The following PIK3R3 variants were observed in gnomAD, a reference collection of about 807,000 sequenced individuals.
PIK3R3 encodes phosphoinositide-3-kinase regulatory subunit 3.
Under a neutral mutation model 62.9 loss-of-function variants are expected in PIK3R3, and 64 were observed. That is an observed-to-expected ratio of 1.02 (90% CI 0.83 to 1.25). PIK3R3 has a LOEUF of 1.25. PIK3R3 is among the 50% of genes most tolerant of loss of function. The probability of loss-of-function intolerance (pLI) is 0.00; values close to 1 mark genes in which losing one functional copy is unlikely to be tolerated. For missense variants in PIK3R3, 614 were observed against 561.6 expected (o/e 1.09, Z -0.94); for synonymous variants, 165 against 189.0 (o/e 0.87, Z 1.04).
chr1:46,113,434 C>T (rs1571533940), intron 1 of PIK3R3, among the ~76,000 whole-genome samples: 2 of 151,692 alleles, frequency 1.3e-5, no homozygotes, highest in African/African-American at 2.4e-5. Flanking sequence ...GCTGGGACTA[C>T]AGTCATGTGC....
In PIK3R3 at chr1:46,067,094, G is replaced by A; in HGVS notation, c.315-3C>T. 1 of 1,546,914 alleles carries A rather than the reference G, an allele frequency of 6.5e-7. No homozygotes were observed. Among genetic ancestry groups the A allele is most frequent in the Non-Finnish European group, 8.7e-7 (1 of 1,149,198 alleles). The stretch of plus-strand genomic sequence containing the variant: ...TTAACTTATTATTGCCTCCCTTCCT[G>A]TGAACAACAAGACAACAACTGTGGA... On this transcript the variant is annotated splice_polypyrimidine_tract_variant and splice_region_variant and intron_variant, in intron 3 of 9. Coordinates refer to ENST00000262741, the MANE Select transcript of PIK3R3 (RefSeq NM_003629.4).
At chr1:46,163,355 A>G in the PIK3R3 span, among the ~76,000 whole-genome samples, 1 of 152,238 alleles carries the variant, frequency 6.6e-6, no homozygotes, top group Admixed American at 6.5e-5. Context: ...GTGAAGTACC[A>G]GTGCAAAAGG....
rs1350329025 is a variant in PIK3R3, at chr1:46,044,668, TC to T, written c.1188-798del. Among the ~76,000 whole-genome samples the T allele has an allele frequency of 6.6e-6, 1 of 152,146 alleles. No individual in the cohort carries two copies. The highest frequency in any genetic ancestry group is 2.4e-5 in the African/African-American group (1 of 41,432). On this transcript the variant is annotated intron_variant, in intron 9 of 9. Coordinates refer to ENST00000262741, the MANE Select transcript of PIK3R3 (RefSeq NM_003629.4). This position sits in a 1 kb window ranked among gnomAD's most constrained non-coding sequence, Gnocchi z 4.2. Reference sequence around the variant, plus strand: ...TCCCCCATTTTCTGCCCATAAGACATCCCATTCATCTTTTTGAGGTCCATCT... The same window carrying T: ...TCCCCCATTTTCTGCCCATAAGACATCCATTCATCTTTTTGAGGTCCATCT...
At chr1:46,112,917 C>T (rs998387476) in intron 1 of PIK3R3, among the ~76,000 whole-genome samples, 3 of 152,154 alleles carry the variant, frequency 2.0e-5, no homozygotes, top group African/African-American at 2.4e-5. Context: ...TATACTACCA[C>T]CATCTACCAA....
the PIK3R3 span, among the ~76,000 whole-genome samples, chr1:46,161,653 G>A: frequency 9.2e-4 from 138 of 150,298 alleles, no homozygotes; most frequent in Middle Eastern, 3.6e-3. Context: ...GAATATCACT[G>A]GAGCCCAGGA....
chr1:46,126,433 G>C (rs1448550244), intron 1 of PIK3R3, among the ~76,000 whole-genome samples: 1 of 151,720 alleles, frequency 6.6e-6, no homozygotes, highest in Non-Finnish European at 1.5e-5. Flanking sequence ...AGCTACTCAG[G>C]TGGCTGAGGC....
upstream of PIK3R3, among the ~76,000 whole-genome samples, chr1:46,135,772 C>T (rs375321782): frequency 5.7e-4 from 87 of 151,944 alleles, no homozygotes; most frequent in East Asian, 0.014. Flanking sequence ...TGGCTCATGC[C>T]TGTAATCCCA....
intron 6 of PIK3R3, among the ~76,000 whole-genome samples, chr1:46,059,521 A>G (rs1648267655): frequency 6.6e-6 from 1 of 152,160 alleles, no homozygotes; most frequent in Non-Finnish European, 1.5e-5. Context: ...GTGGCTTTAT[A>G]TTACTATTAA....
At chr1:46,118,776 A>C (rs1456208103) in intron 1 of PIK3R3, among the ~76,000 whole-genome samples, 2 of 151,848 alleles carry the variant, frequency 1.3e-5, no homozygotes, top group African/African-American at 4.8e-5. Context: ...GGCTGGTCTC[A>C]AACTCCTGAC....
intron 1 of PIK3R3, among the ~76,000 whole-genome samples, chr1:46,101,094 C>T (rs1202652922): frequency 2.0e-5 from 3 of 149,738 alleles, no homozygotes; most frequent in Non-Finnish European, 4.4e-5. Flanking sequence ...ATCGTCTGAA[C>T]CCAGAAGGCA....
chr1:46,050,288 G>C (rs1647245936), intron 7 of PIK3R3, among the ~76,000 whole-genome samples: 1 of 152,070 alleles, frequency 6.6e-6, no homozygotes, highest in African/African-American at 2.4e-5. Context: ...AATGAAGCCA[G>C]GTGCGGTGGC....
chr1:46,162,852 A>G, the PIK3R3 span, among the ~76,000 whole-genome samples: 1 of 152,102 alleles, frequency 6.6e-6, no homozygotes. Context: ...CAAACTCTTG[A>G]CCTCAAGTGA....
chr1:46,096,693 TAG>T (rs768561204), intron 1 of PIK3R3, among the ~76,000 whole-genome samples: 10 of 151,824 alleles, frequency 6.6e-5, no homozygotes, highest in Non-Finnish European at 1.5e-4. Flanking sequence ...GGTCAACAGT[TAG>T]AGAGCAGCCT....
intron 3 of PIK3R3, among the ~76,000 whole-genome samples, chr1:46,072,047 A>G (rs1292243786): frequency 1.3e-5 from 2 of 152,084 alleles, no homozygotes; most frequent in African/African-American, 4.8e-5. Flanking sequence ...TACATGTCCA[A>G]ACCTATCCCC....
At chr1:46,126,867 G>A (rs1655139130) in intron 1 of PIK3R3, among the ~76,000 whole-genome samples, 1 of 151,836 alleles carries the variant, frequency 6.6e-6, no homozygotes. Flanking sequence ...AATATCAATA[G>A]ATATAATCCA....
At chr1:46,167,904 C>T in the PIK3R3 span, among the ~76,000 whole-genome samples, 2,891 of 152,248 alleles carry the variant, frequency 0.019, 87 homozygotes, top group African/African-American at 0.063. Flanking sequence ...GCCTGTAATC[C>T]CAGCACTTTG....
At chr1:46,078,795 G>A (rs765982085) in intron 2 of PIK3R3, among the ~76,000 whole-genome samples, 9 of 152,136 alleles carry the variant, frequency 5.9e-5, no homozygotes, top group African/African-American at 1.7e-4. Flanking sequence ...TTAGCCTTAA[G>A]AAGGAATGAA....
chr1:46,145,290 A>G, the PIK3R3 span, among the ~76,000 whole-genome samples: 1 of 151,846 alleles, frequency 6.6e-6, no homozygotes, highest in East Asian at 1.9e-4. Flanking sequence ...CTTTGTATAC[A>G]TGTCCAAGCT....
chr1:46,082,413 C>A (rs1449550511), intron 1 of PIK3R3, among the ~76,000 whole-genome samples: 1 of 152,168 alleles, frequency 6.6e-6, no homozygotes, highest in Non-Finnish European at 1.5e-5. Context: ...CAATTAAATG[C>A]AATGTGTAAT....
Sources: allele counts gnomAD v4.1 joint callset (sites outside exome capture counted in the v4.1 genomes callset), GRCh38; gene constraint gnomAD v4.1.1; non-coding constraint Gnocchi (gnomAD v3.1); transcripts MANE v1.5; gene names NCBI Gene and HGNC (gene_info 2026-07-23, HGNC 2026-07-21).